The following WNT7A variants were observed in gnomAD, a reference collection of about 807,000 sequenced individuals.
WNT7A encodes the protein Wnt family member 7A.
In WNT7A, 16 loss-of-function variants were observed where a neutral mutation model predicts 28.2. That is an observed-to-expected ratio of 0.57 (90% CI 0.38 to 0.86). The LOEUF (loss-of-function observed/expected upper bound fraction) is 0.86, where lower values mean the gene tolerates loss of function less well. WNT7A is among the 40% of genes least tolerant of loss of function. The pLI, the probability that WNT7A is intolerant of heterozygous loss-of-function variation, is 0.00. For missense variants in WNT7A, 411 were observed against 489.7 expected, an observed-to-expected ratio of 0.84 and a Z score of 1.52; for synonymous variants, 190 against 195.9, an observed-to-expected ratio of 0.97 and a Z score of 0.25.
chr3:13,823,016 G>A (rs1272279399), intron 3 of WNT7A, among the ~76,000 whole-genome samples: 1 of 152,184 alleles, frequency 6.6e-6, no homozygotes, highest in Non-Finnish European at 1.5e-5. Flanking sequence ...GTGACATCCA[G>A]CCTGCTAGCC....
intron 2 of WNT7A, among the ~76,000 whole-genome samples, chr3:13,873,334 A>G (rs1381518606): frequency 6.6e-6 from 1 of 151,970 alleles, no homozygotes; most frequent in Middle Eastern, 3.4e-3. Context: ...TCACCTGGTG[A>G]CATTTGTCAC....
chr3:13,847,161 C>A (rs958712995), intron 3 of WNT7A, among the ~76,000 whole-genome samples: 10 of 152,348 alleles, frequency 6.6e-5, no homozygotes, highest in Middle Eastern at 3.4e-3. Context: ...GGGCACCCTC[C>A]GCCCCAGCCT....
At chr3:13,842,187 T>C (rs575503436) in intron 3 of WNT7A, among the ~76,000 whole-genome samples, 26 of 151,990 alleles carry the variant, frequency 1.7e-4, no homozygotes, top group Admixed American at 1.2e-3. Flanking sequence ...TAACTGACAT[T>C]TGAAAAGCCT....
chr3:13,834,336 C>T (rs756014854), intron 3 of WNT7A, among the ~76,000 whole-genome samples: 19 of 152,084 alleles, frequency 1.2e-4, no homozygotes, highest in South Asian at 4.2e-4. Flanking sequence ...GGAGAGAAAA[C>T]GAGGTAGAGG....
At chr3:13,861,801 T>G (rs1275202647) in intron 2 of WNT7A, among the ~76,000 whole-genome samples, 1 of 152,182 alleles carries the variant, frequency 6.6e-6, no homozygotes, top group Non-Finnish European at 1.5e-5. Context: ...AGGGGGCTCC[T>G]ACTGGAATGA....
intron 3 of WNT7A, among the ~76,000 whole-genome samples, chr3:13,830,074 G>C (rs1694252958): frequency 2.6e-5 from 4 of 152,100 alleles, no homozygotes; most frequent in African/African-American, 7.2e-5. Context: ...CACACAATGT[G>C]CTCCTGGTCC....
intron 3 of WNT7A, among the ~76,000 whole-genome samples, chr3:13,846,076 G>C (rs1010475158): frequency 6.6e-6 from 1 of 152,188 alleles, no homozygotes; most frequent in Admixed American, 6.5e-5. Context: ...CTCACAACCG[G>C]GTTCCTCCCT....
At chr3:13,859,694 C>T (rs147706681) in intron 2 of WNT7A, among the ~76,000 whole-genome samples, 47 of 152,290 alleles carry the variant, frequency 3.1e-4, no homozygotes, top group African/African-American at 1.1e-3. Context: ...CAGGGCCTGG[C>T]ACAGAGTAGG....
intron 1 of WNT7A, among the ~76,000 whole-genome samples, chr3:13,877,753 G>T (rs1180489727): frequency 2.0e-5 from 3 of 152,232 alleles, no homozygotes; most frequent in Non-Finnish European, 2.9e-5. Context: ...TGCTTAGAAG[G>T]TGCCAGGCAC....
intron 1 of WNT7A, among the ~76,000 whole-genome samples, chr3:13,879,183 C>T (rs1268302370): frequency 6.6e-6 from 1 of 152,220 alleles, no homozygotes; most frequent in African/African-American, 2.4e-5. Context: ...TTGGGTGGTG[C>T]CAAGGCTCCG....
At chr3:13,859,140 A>G (rs1240454169) in intron 2 of WNT7A, among the ~76,000 whole-genome samples, 1 of 152,202 alleles carries the variant, frequency 6.6e-6, no homozygotes, top group East Asian at 1.9e-4. Flanking sequence ...ACCGAGTCCC[A>G]TTTCACAATG....
intron 3 of WNT7A, among the ~76,000 whole-genome samples, chr3:13,828,341 G>A (rs1045700341): frequency 1.3e-5 from 2 of 152,194 alleles, no homozygotes; most frequent in Non-Finnish European, 2.9e-5. Context: ...CAAGGAAGGG[G>A]TGCATGCAGC....
At chr3:13,870,572 C>T (rs1359643039) in intron 2 of WNT7A, among the ~76,000 whole-genome samples, 1 of 152,152 alleles carries the variant, frequency 6.6e-6, no homozygotes, top group Non-Finnish European at 1.5e-5. Flanking sequence ...CCAGGCTGGG[C>T]CAGAAAAAGC....
chr3:13,830,696 G>A (rs1193232008), intron 3 of WNT7A, among the ~76,000 whole-genome samples: 6 of 152,232 alleles, frequency 3.9e-5, no homozygotes, highest in Admixed American at 2.0e-4. Flanking sequence ...GAACCACAGC[G>A]CCTGCCAGGA....
intron 3 of WNT7A, among the ~76,000 whole-genome samples, chr3:13,825,593 G>C (rs1348196818): frequency 6.6e-6 from 1 of 152,220 alleles, no homozygotes; most frequent in African/African-American, 2.4e-5. Flanking sequence ...TTAGTAGCGG[G>C]TCTTCCAGCC....
intron 3 of WNT7A, among the ~76,000 whole-genome samples, chr3:13,843,401 G>A (rs1457151660): frequency 1.3e-5 from 2 of 152,030 alleles, no homozygotes; most frequent in African/African-American, 4.8e-5. Context: ...TTTCAATGAG[G>A]AAACTGAGGC....
chr3:13,839,956 A>G (rs1483788732), intron 3 of WNT7A, among the ~76,000 whole-genome samples: 1 of 152,156 alleles, frequency 6.6e-6, no homozygotes, highest in Non-Finnish European at 1.5e-5. Flanking sequence ...GCCCTTCCTA[A>G]CGCTGATCAG....
intron 3 of WNT7A, among the ~76,000 whole-genome samples, chr3:13,825,363 A>G (rs1280092852): frequency 6.6e-6 from 1 of 152,114 alleles, no homozygotes; most frequent in Non-Finnish European, 1.5e-5. Flanking sequence ...CACTGTGATG[A>G]CCTGCCTATA....
chr3:13,877,282 C>A (rs1280916610), intron 1 of WNT7A: 1 of 152,272 alleles, frequency 6.6e-6, no homozygotes, highest in Non-Finnish European at 1.5e-5. Context: ...TTGAGGCTCA[C>A]AGAGGTTGGG....
Sources: allele counts gnomAD v4.1 joint callset (sites outside exome capture counted in the v4.1 genomes callset), GRCh38; gene constraint gnomAD v4.1.1; transcripts MANE v1.5; gene names NCBI Gene and HGNC (gene_info 2026-07-23, HGNC 2026-07-21).